NTM: variants seen among roughly 807,000 people sequenced by gnomAD.
NTM encodes IgLON family member 2.
In NTM, 13 loss-of-function variants were observed where a neutral mutation model predicts 42.1. The observed-to-expected ratio is 0.31, with a 90% CI of 0.20 to 0.49. The LOEUF (loss-of-function observed/expected upper bound fraction) is 0.49. NTM is among the 20% of genes least tolerant of loss of function. The probability of loss-of-function intolerance (pLI) is 0.99; values close to 1 mark genes in which losing one functional copy is unlikely to be tolerated. For missense variants in NTM, 373 were observed against 452.8 expected (o/e 0.82, Z 1.60); for synonymous variants, 187 against 179.2 (o/e 1.04, Z -0.35).
chr11:131,505,455 G>A (rs1000748950), intron 1 of NTM, among the ~76,000 whole-genome samples: 4 of 152,140 alleles, frequency 2.6e-5, no homozygotes, highest in African/African-American at 9.7e-5. Context: ...ATCACCAAGC[G>A]TTTTCCATCA....
chr11:131,723,177 T>C (rs1423177243), intron 1 of NTM, among the ~76,000 whole-genome samples: 1 of 152,220 alleles, frequency 6.6e-6, no homozygotes, highest in Non-Finnish European at 1.5e-5. Flanking sequence ...TTGAAAGTTA[T>C]GAAGCATTAT....
chr11:132,078,700 C>CT (rs2058667619), intron 2 of NTM, among the ~76,000 whole-genome samples: 1 of 152,166 alleles, frequency 6.6e-6, no homozygotes, highest in East Asian at 1.9e-4. Flanking sequence ...CTGCCAAGTG[C>CT]TTTTCCCTTT....
chr11:131,932,812 C>T (rs763607296), intron 2 of NTM, among the ~76,000 whole-genome samples: 8 of 152,168 alleles, frequency 5.3e-5, no homozygotes, highest in Non-Finnish European at 7.3e-5. Context: ...TTGGAACAGC[C>T]GATCCTTGGG....
intron 1 of NTM, among the ~76,000 whole-genome samples, chr11:131,748,202 G>T (rs2082055395): frequency 6.6e-6 from 1 of 152,228 alleles, no homozygotes; most frequent in Non-Finnish European, 1.5e-5. Flanking sequence ...TAGGTTCTGG[G>T]TATTGTAGTG....
chr11:131,478,277 AT>A (rs1204881441), intron 1 of NTM, among the ~76,000 whole-genome samples: 1 of 152,092 alleles, frequency 6.6e-6, no homozygotes, highest in African/African-American at 2.4e-5. Flanking sequence ...GCCTTGATTA[AT>A]TTGCCTTTCT....
At position 132,335,891 on chromosome 11, in the gene NTM, ATGTT is replaced by A. The variant is rs1335872704; in HGVS notation, c.*750_*753del. The A allele has an allele frequency of 6.6e-6, 1 of 152,658 alleles. No homozygotes were observed. The highest frequency in any genetic ancestry group is 1.5e-5 in the Non-Finnish European group (1 of 68,040). 9.5% of individuals were successfully genotyped at this position (152,658 alleles called of 1,614,324 possible). On this transcript the variant is annotated 3_prime_UTR_variant, in exon 9 of 9. Transcript: ENST00000683400. ...ACAACTGAGAAGGGTGAAGAGAAGTATGTTTGTTAAACAGTAAAAATGAATAGTA... is the reference window on the plus strand; with the variant it reads ...ACAACTGAGAAGGGTGAAGAGAAGTATGTTAAACAGTAAAAATGAATAGTA...
At chr11:131,738,284 G>C (rs781281189) in intron 1 of NTM, among the ~76,000 whole-genome samples, 15 of 152,162 alleles carry the variant, frequency 9.9e-5, no homozygotes, top group Non-Finnish European at 2.1e-4. Context: ...TGGCTCTGGG[G>C]TACCCCTCAT....
chr11:131,487,228 T>C (rs1954275286), intron 1 of NTM, among the ~76,000 whole-genome samples: 3 of 152,228 alleles, frequency 2.0e-5, no homozygotes, highest in Admixed American at 6.5e-5. Context: ...ACTCTTGTTA[T>C]AGCCTCGTGT....
intron 1 of NTM, among the ~76,000 whole-genome samples, chr11:131,440,915 C>T (rs1260665552): frequency 6.8e-6 from 1 of 148,084 alleles, no homozygotes; most frequent in Non-Finnish European, 1.5e-5. Flanking sequence ...GCTTCTCCTC[C>T]CCAGGCATTT....
At chr11:132,242,016 C>T (rs1024564791) in intron 4 of NTM, among the ~76,000 whole-genome samples, 1 of 152,204 alleles carries the variant, frequency 6.6e-6, no homozygotes, top group African/African-American at 2.4e-5. Context: ...GCAATCCCAG[C>T]CTTTGCTCAA....
intron 1 of NTM, among the ~76,000 whole-genome samples, chr11:131,760,755 G>T (rs1482527665): frequency 2.0e-5 from 3 of 152,214 alleles, no homozygotes; most frequent in Non-Finnish European, 4.4e-5. Context: ...GAAGTGAGAC[G>T]AGGAGGAGCC....
In NTM at chr11:131,750,189, TAG is replaced by T. The variant is rs1332796740; in HGVS notation, c.83-161367_83-161366del. Among the ~76,000 whole-genome samples, 7 of 152,354 alleles carry T rather than the reference TAG, an allele frequency of 4.6e-5. No homozygotes were observed. The South Asian group carries it at 1.2e-3, about 27-fold the overall frequency. On this transcript the variant is annotated intron_variant, in intron 1 of 8. Transcript: ENST00000683400. Reference sequence around the variant, plus strand: ...CCAAATACTTACCTTGCATTTATTTTAGAGAGAGAACTCTTTTTATTTTATTC... The same window carrying T: ...CCAAATACTTACCTTGCATTTATTTTAGAGAGAACTCTTTTTATTTTATTC...
intron 3 of NTM, among the ~76,000 whole-genome samples, chr11:132,161,487 C>T (rs1295464898): frequency 6.8e-6 from 1 of 147,480 alleles, no homozygotes; most frequent in Non-Finnish European, 1.5e-5. Flanking sequence ...ATTTCACTCT[C>T]TTAGGCACGC....
At chr11:131,503,707 GTA>G in intron 1 of NTM, among the ~76,000 whole-genome samples, 1 of 143,328 alleles carries the variant, frequency 7.0e-6, no homozygotes, top group East Asian at 2.0e-4. Flanking sequence ...TCTTTTTTTT[GTA>G]GAGAGAGTCT....
intron 1 of NTM, among the ~76,000 whole-genome samples, chr11:131,486,620 A>G (rs1358944332): frequency 1.3e-5 from 2 of 152,158 alleles, no homozygotes; most frequent in Non-Finnish European, 2.9e-5. Context: ...ACTCCATACA[A>G]TTCCGCCTTT....
chr11:132,118,138 C>T (rs1466103748), intron 2 of NTM, among the ~76,000 whole-genome samples: 6 of 152,116 alleles, frequency 3.9e-5, no homozygotes, highest in Non-Finnish European at 4.4e-5. Context: ...TCTAATTAAG[C>T]GGTAGCTTCA....
chr11:132,290,625 G>A (rs2094425229), intron 4 of NTM, among the ~76,000 whole-genome samples: 1 of 152,138 alleles, frequency 6.6e-6, no homozygotes, highest in Non-Finnish European at 1.5e-5. Context: ...TATATATTGT[G>A]TATAACTATA....
intron 2 of NTM, among the ~76,000 whole-genome samples, chr11:131,936,113 A>G (rs546993433): frequency 5.9e-5 from 9 of 152,308 alleles, no homozygotes; most frequent in African/African-American, 1.9e-4. Context: ...AGACAGCAAC[A>G]TTTTAAAACA....
intron 1 of NTM, among the ~76,000 whole-genome samples, chr11:131,828,572 A>G (rs1592136218): frequency 6.6e-6 from 1 of 151,996 alleles, no homozygotes; most frequent in Non-Finnish European, 1.5e-5. Context: ...CATCACCACC[A>G]CCTTCACAGT....
Sources: allele counts gnomAD v4.1 joint callset (sites outside exome capture counted in the v4.1 genomes callset), GRCh38; gene constraint gnomAD v4.1.1; transcripts MANE v1.5; gene names NCBI Gene and HGNC (gene_info 2026-07-23, HGNC 2026-07-21).